The following AMPH variants were observed in gnomAD, a reference collection of about 807,000 sequenced individuals.
The protein encoded by AMPH is amphiphysin.
A neutral mutation model predicts 99.1 loss-of-function variants in AMPH; 49 were observed. The observed-to-expected ratio is 0.49, with a 90% CI of 0.39 to 0.63. The LOEUF (loss-of-function observed/expected upper bound fraction) is 0.63. AMPH is among the 20% of genes least tolerant of loss of function. The probability of loss-of-function intolerance (pLI) is 0.00; values close to 1 mark genes in which losing one functional copy is unlikely to be tolerated. For synonymous variants in AMPH, 314 were observed against 317.3 expected, an observed-to-expected ratio of 0.99 and a Z score of 0.11; for missense variants, 759 against 863.4, an observed-to-expected ratio of 0.88 and a Z score of 1.52.
In AMPH at chr7:38,458,041, T is replaced by C. The variant is rs1038884651; in HGVS notation, c.1017+3242A>G. ...ACTTGAGTCATTCCTCTTCCTCATT[T>C]GTGTGTTTGGTCTCACAAAAAGATT... On this transcript the variant is annotated intron_variant, in intron 11 of 20. Coordinates refer to ENST00000356264, the MANE Select transcript of AMPH (RefSeq NM_001635.4). Among the ~76,000 whole-genome samples, 4 of 152,308 alleles carry C rather than the reference T, an allele frequency of 2.6e-5. No individual in the cohort carries two copies. In the South Asian group the frequency reaches 6.2e-4, roughly 24 times the overall value.
intron 1 of AMPH, among the ~76,000 whole-genome samples, chr7:38,550,291 A>G (rs970698539): frequency 6.6e-6 from 1 of 152,202 alleles, no homozygotes; most frequent in Non-Finnish European, 1.5e-5. Flanking sequence ...GCACAGTACA[A>G]TCCACAATTT....
chr7:38,502,612 T>C (rs1789178920), intron 3 of AMPH, among the ~76,000 whole-genome samples: 1 of 152,302 alleles, frequency 6.6e-6, no homozygotes, highest in African/African-American at 2.4e-5. Flanking sequence ...AGAAACTGCA[T>C]TGCTTTTTGC....
intron 11 of AMPH, among the ~76,000 whole-genome samples, chr7:38,451,431 AT>A (rs61161797): frequency 0.052 from 7,891 of 150,726 alleles, 581 homozygotes; most frequent in East Asian, 0.35. Flanking sequence ...TGATTGCTTT[AT>A]TTTTTGTCTT....
chr7:38,585,518 C>T (rs147650057), intron 1 of AMPH, among the ~76,000 whole-genome samples: 51 of 152,254 alleles, frequency 3.3e-4, no homozygotes, highest in African/African-American at 1.1e-3. Flanking sequence ...CAGGTCCTGA[C>T]GACACAAGCC....
At chr7:38,548,537 A>T (rs940004058) in intron 1 of AMPH, among the ~76,000 whole-genome samples, 4 of 152,062 alleles carry the variant, frequency 2.6e-5, no homozygotes, top group Non-Finnish European at 5.9e-5. Context: ...GGCATCATTC[A>T]TCTGGGGTAA....
intron 1 of AMPH, among the ~76,000 whole-genome samples, chr7:38,544,569 T>G (rs192015937): frequency 3.9e-5 from 6 of 152,288 alleles, no homozygotes; most frequent in African/African-American, 1.4e-4. Flanking sequence ...TTCTGTAAGG[T>G]GAAGAACCAC....
At chr7:38,579,995 T>A (rs1164569055) in intron 1 of AMPH, among the ~76,000 whole-genome samples, 19 of 152,174 alleles carry the variant, frequency 1.2e-4, no homozygotes, top group Non-Finnish European at 1.5e-5. Flanking sequence ...AACACATTGA[T>A]GAATCTCCAA....
At chr7:38,548,493 T>C (rs1328723115) in intron 1 of AMPH, among the ~76,000 whole-genome samples, 1 of 152,208 alleles carries the variant, frequency 6.6e-6, no homozygotes, top group African/African-American at 2.4e-5. Context: ...TTTCCTTTTA[T>C]ATGTCCTTTG....
chr7:38,608,852 T>G (rs1793525982), intron 1 of AMPH, among the ~76,000 whole-genome samples: 1 of 152,172 alleles, frequency 6.6e-6, no homozygotes. Flanking sequence ...AAGCCCACAT[T>G]AGGAATATTC....
chr7:38,508,850 A>C (rs1238184647), intron 2 of AMPH, among the ~76,000 whole-genome samples: 1 of 152,246 alleles, frequency 6.6e-6, no homozygotes, highest in Non-Finnish European at 1.5e-5. Flanking sequence ...TTTGAAGCTT[A>C]GAAGAAAATT....
At chr7:38,595,297 A>G (rs189038121) in intron 1 of AMPH, among the ~76,000 whole-genome samples, 1 of 152,204 alleles carries the variant, frequency 6.6e-6, no homozygotes, top group East Asian at 1.9e-4. Context: ...GCCCAGGTAC[A>G]TGGGGTAGTG....
intron 2 of AMPH, among the ~76,000 whole-genome samples, chr7:38,514,118 A>G (rs1018412802): frequency 1.3e-5 from 2 of 152,082 alleles, no homozygotes; most frequent in African/African-American, 4.8e-5. Context: ...AGTATAATCT[A>G]CTTAGTAATT....
intron 1 of AMPH, among the ~76,000 whole-genome samples, chr7:38,583,039 G>A (rs1449605096): frequency 1.3e-5 from 2 of 152,182 alleles, no homozygotes; most frequent in Non-Finnish European, 2.9e-5. Flanking sequence ...GTTTATTACT[G>A]ATGGGAATAG....
chr7:38,435,303 T>C (rs17498899), intron 12 of AMPH, among the ~76,000 whole-genome samples: 13,191 of 152,278 alleles, frequency 0.087, 785 homozygotes, highest in Middle Eastern at 0.2. Flanking sequence ...ACATAATCCT[T>C]ATTTATTAAG....
intron 17 of AMPH, among the ~76,000 whole-genome samples, chr7:38,403,126 T>G (rs1214947347): frequency 6.6e-6 from 1 of 152,128 alleles, no homozygotes; most frequent in Non-Finnish European, 1.5e-5. Context: ...GGATCAAAGT[T>G]ACAGACGAGT....
intron 18 of AMPH, among the ~76,000 whole-genome samples, chr7:38,393,276 A>G (rs1022772748): frequency 1.3e-5 from 2 of 152,242 alleles, no homozygotes; most frequent in Non-Finnish European, 2.9e-5. Flanking sequence ...CCCTGGAGAA[A>G]TTTTTGAAAA....
intron 15 of AMPH, among the ~76,000 whole-genome samples, chr7:38,425,661 G>A (rs916218874): frequency 2.6e-5 from 4 of 152,118 alleles, no homozygotes; most frequent in Non-Finnish European, 4.4e-5. Flanking sequence ...GTGGGTAGGA[G>A]GTGGAAAATA....
intron 16 of AMPH, among the ~76,000 whole-genome samples, chr7:38,421,252 G>C (rs1333100538): frequency 6.6e-6 from 1 of 152,226 alleles, no homozygotes; most frequent in East Asian, 1.9e-4. Context: ...TAGTAGGTGT[G>C]AGTTTAATTA....
chr7:38,513,383 C>T (rs1789615681), intron 2 of AMPH, among the ~76,000 whole-genome samples: 1 of 152,148 alleles, frequency 6.6e-6, no homozygotes, highest in African/African-American at 2.4e-5. Context: ...GAACAGGAGA[C>T]ACCCATTGAA....
Sources: allele counts gnomAD v4.1 joint callset (sites outside exome capture counted in the v4.1 genomes callset), GRCh38; gene constraint gnomAD v4.1.1; transcripts MANE v1.5; gene names NCBI Gene and HGNC (gene_info 2026-07-23, HGNC 2026-07-21).